Variants in OR7E24 observed in about 807,000 individuals in gnomAD.
OR7E24 encodes olfactory receptor family 7 subfamily E member 24.
For synonymous variants in OR7E24, 130 were observed against 157.5 expected (o/e 0.83, Z 1.31); for missense variants, 385 against 410.3 (o/e 0.94, Z 0.53).
chr19:9,235,596 C>A, the OR7E24 span: 1 of 1,564,428 alleles, frequency 6.4e-7, no homozygotes, highest in South Asian at 1.1e-5. Context: ...CTTGGTTCAT[C>A]ATTTTCTGGT....
At chr19:9,235,284 G>A in the OR7E24 span, 25 of 1,311,394 alleles carry the variant, frequency 1.9e-5, no homozygotes, top group Non-Finnish European at 2.7e-5. Context: ...TCATCATCCT[G>A]GCCGTCAGCT....
chr19:9,241,830 A>G, the OR7E24 span, among the ~76,000 whole-genome samples: 1 of 152,108 alleles, frequency 6.6e-6, no homozygotes, highest in African/African-American at 2.4e-5. Flanking sequence ...TCTCCTGAAA[A>G]TCACATGCTT....
At chr19:9,207,661 G>A in the OR7E24 span, 1 of 152,210 alleles carries the variant, frequency 6.6e-6, no homozygotes, top group Admixed American at 6.5e-5. Flanking sequence ...AGCTAGGAGA[G>A]AAGATTTGTA....
chr19:9,245,494 G>T (rs1444748930), upstream of OR7E24, among the ~76,000 whole-genome samples: 1 of 152,132 alleles, frequency 6.6e-6, no homozygotes, highest in East Asian at 1.9e-4. Context: ...CCATATGATG[G>T]TTCCTCATAA....
At chr19:9,235,647 C>T in the OR7E24 span, 8 of 1,573,528 alleles carry the variant, frequency 5.1e-6, no homozygotes, top group Non-Finnish European at 6.9e-6. Flanking sequence ...GGCTGACCTT[C>T]TCCACAGGCA....
At chr19:9,231,408 C>T in the OR7E24 span, among the ~76,000 whole-genome samples, 1 of 151,898 alleles carries the variant, frequency 6.6e-6, no homozygotes, top group Non-Finnish European at 1.5e-5. Context: ...GGTGAAACCC[C>T]ATCTCTACTA....
At chr19:9,234,758 C>T in the OR7E24 span, among the ~76,000 whole-genome samples, 10 of 152,116 alleles carry the variant, frequency 6.6e-5, no homozygotes, top group African/African-American at 2.4e-4. Context: ...TCACCTGTGT[C>T]AGGTCACAGA....
the OR7E24 span, among the ~76,000 whole-genome samples, chr19:9,218,991 T>G: frequency 6.6e-6 from 1 of 152,078 alleles, no homozygotes; most frequent in Admixed American, 6.5e-5. Flanking sequence ...CAGAAATAAT[T>G]GTATTATTTC....
At chr19:9,246,040 T>A (rs2066128418), upstream of OR7E24, among the ~76,000 whole-genome samples, 1 of 148,484 alleles carries the variant, frequency 6.7e-6, no homozygotes, top group South Asian at 2.1e-4. Context: ...CCGTTGCAAT[T>A]TGCTTATTAT....
At chr19:9,223,736 T>C in the OR7E24 span, among the ~76,000 whole-genome samples, 1 of 63,206 alleles carries the variant, frequency 1.6e-5, no homozygotes, top group African/African-American at 1.3e-4. Flanking sequence ...TTTCTCTTCT[T>C]TTTTTTTTTT....
the OR7E24 span, among the ~76,000 whole-genome samples, chr19:9,218,300 TAAATG>T: frequency 6.6e-6 from 1 of 152,208 alleles, no homozygotes; most frequent in Non-Finnish European, 1.5e-5. Flanking sequence ...AAAATAATGA[TAAATG>T]AAGTAGTAAT....
chr19:9,217,595 G>A, the OR7E24 span, among the ~76,000 whole-genome samples: 1 of 152,150 alleles, frequency 6.6e-6, no homozygotes. Context: ...CTGGAGTATA[G>A]TGGTGCTATC....
the OR7E24 span, chr19:9,206,542 A>C: frequency 6.6e-6 from 1 of 152,198 alleles, no homozygotes; most frequent in Non-Finnish European, 1.5e-5. Flanking sequence ...TTTATATATA[A>C]GAAGTCCTTG....
the OR7E24 span, chr19:9,207,946 C>G: frequency 6.6e-6 from 1 of 152,172 alleles, no homozygotes; most frequent in Non-Finnish European, 1.5e-5. Context: ...GTCCTTTAGC[C>G]TTTGTCCTGC....
At chr19:9,228,453 A>G in the OR7E24 span, among the ~76,000 whole-genome samples, 1 of 150,250 alleles carries the variant, frequency 6.7e-6, no homozygotes, top group African/African-American at 2.5e-5. Context: ...GTTAGGCTAC[A>G]CTTTCTCTCT....
the OR7E24 span, among the ~76,000 whole-genome samples, chr19:9,238,337 A>G: frequency 2.0e-5 from 3 of 152,036 alleles, no homozygotes; most frequent in Non-Finnish European, 2.9e-5. Flanking sequence ...TGTGCTCTTG[A>G]TTTCCATTTT....
the OR7E24 span, among the ~76,000 whole-genome samples, chr19:9,241,957 C>G: frequency 1.3e-5 from 2 of 152,112 alleles, no homozygotes; most frequent in African/African-American, 4.8e-5. Flanking sequence ...TATATACAGT[C>G]TTTAAAGTTC....
chr19:9,246,573 C>T (rs1200730205), upstream of OR7E24, among the ~76,000 whole-genome samples: 1 of 150,720 alleles, frequency 6.6e-6, no homozygotes, highest in Non-Finnish European at 1.5e-5. Context: ...CAGCGTTATT[C>T]ACAATAGCTA....
the OR7E24 span, among the ~76,000 whole-genome samples, chr19:9,237,116 T>C: frequency 1.4e-4 from 22 of 152,176 alleles, no homozygotes; most frequent in Admixed American, 1.4e-3. Flanking sequence ...ATTCACAGGC[T>C]GGTTCATTCA....
Sources: gnomAD v4.1 joint callset for allele counts (sites outside exome capture counted in the v4.1 genomes callset) on GRCh38, gnomAD v4.1.1 for gene constraint, MANE v1.5 for transcripts, NCBI Gene and HGNC (gene_info 2026-07-23, HGNC 2026-07-21) for gene names.